PTPRD: variants seen among roughly 807,000 people sequenced by gnomAD.
The protein encoded by PTPRD is protein tyrosine phosphatase receptor type D.
PTPRD carries 34 observed loss-of-function variants against 214.5 expected under a neutral mutation model. The observed-to-expected ratio is 0.16, with a 90% CI of 0.12 to 0.21. The LOEUF (loss-of-function observed/expected upper bound fraction) is 0.21. Ranked by LOEUF, PTPRD falls within the 10% of genes least tolerant of loss-of-function variation. PTPRD has a pLI of 1.00. For synonymous variants in PTPRD, 1,128 were observed against 845.7 expected (o/e 1.33, Z -5.79); for missense variants, 2,545 against 2,398.7 (o/e 1.06, Z -1.27).
intron 2 of PTPRD, among the ~76,000 whole-genome samples, chr9:10,361,263 T>C (rs1356879624): frequency 6.6e-6 from 1 of 152,194 alleles, no homozygotes; most frequent in Non-Finnish European, 1.5e-5. Flanking sequence ...TCTGTTGTGG[T>C]ATCTCATGTC....
chr9:8,806,426 A>T (rs1360398876), intron 11 of PTPRD, among the ~76,000 whole-genome samples: 1 of 152,224 alleles, frequency 6.6e-6, no homozygotes, highest in Non-Finnish European at 1.5e-5. Context: ...ATTCATATGT[A>T]ATGAACAGAT....
At chr9:9,946,480 A>C (rs1282364059) in intron 4 of PTPRD, among the ~76,000 whole-genome samples, 1 of 152,174 alleles carries the variant, frequency 6.6e-6, no homozygotes, top group Non-Finnish European at 1.5e-5. Context: ...AAACTTACAG[A>C]AAGAGTGCAG....
At chr9:8,330,524 A>G in intron 44 of PTPRD, among the ~76,000 whole-genome samples, 1 of 151,922 alleles carries the variant, frequency 6.6e-6, no homozygotes, top group East Asian at 1.9e-4. Flanking sequence ...ATTTCCTACA[A>G]GCTCTTTGGT....
intron 7 of PTPRD, among the ~76,000 whole-genome samples, chr9:9,678,304 C>T (rs1162587780): frequency 6.6e-6 from 1 of 152,170 alleles, no homozygotes; most frequent in Non-Finnish European, 1.5e-5. Flanking sequence ...CATCATGCTA[C>T]CTGACTTCAA....
At chr9:10,357,607 T>C (rs2097302076) in intron 2 of PTPRD, among the ~76,000 whole-genome samples, 1 of 152,246 alleles carries the variant, frequency 6.6e-6, no homozygotes, top group African/African-American at 2.4e-5. Flanking sequence ...ATTAGCATTA[T>C]TATATCCTTT....
rs753821508 is a variant in PTPRD, at chr9:9,645,459, A to ATG, written c.-286-70679_-286-70678insCA. Reference sequence around the variant, plus strand: ...TTATCAGGTTTCCCTACATATATGTATATATATATATATATATATATTTTC... The same window carrying ATG: ...TTATCAGGTTTCCCTACATATATGTATGTATATATATATATATATATATTTTC... On this transcript the variant is annotated intron_variant, in intron 7 of 45. Coordinates refer to ENST00000381196, the MANE Select transcript of PTPRD (RefSeq NM_002839.4). Among the ~76,000 whole-genome samples, 9 of 71,674 alleles carry ATG rather than the reference A, an allele frequency of 1.3e-4. No individual in the cohort carries two copies. In the South Asian group the frequency reaches 2.7e-3, roughly 22 times the overall value. The allele number at this position is 71,674 out of a possible 152,430, so 47.0% of individuals were successfully genotyped here. A position where few individuals can be genotyped will look rare whatever the true frequency, so the allele number is the denominator to read the frequency against.
chr9:9,646,587 T>C (rs2096186395), intron 7 of PTPRD, among the ~76,000 whole-genome samples: 1 of 152,094 alleles, frequency 6.6e-6, no homozygotes, highest in Non-Finnish European at 1.5e-5. Context: ...TTTTCAAAGG[T>C]ATCAGCCAGC....
intron 10 of PTPRD, among the ~76,000 whole-genome samples, chr9:9,152,315 T>A (rs1189642358): frequency 1.3e-5 from 2 of 152,222 alleles, no homozygotes; most frequent in African/African-American, 2.4e-5. Context: ...CTGCTTATTT[T>A]CAGAATATAT....
At chr9:9,709,595 G>C (rs2097688759) in intron 7 of PTPRD, among the ~76,000 whole-genome samples, 2 of 151,906 alleles carry the variant, frequency 1.3e-5, no homozygotes, top group Admixed American at 6.6e-5. Flanking sequence ...TACAAACCTT[G>C]CATCTGCTTT....
chr9:10,366,037 T>C (rs1029121347), intron 2 of PTPRD, among the ~76,000 whole-genome samples: 4 of 152,176 alleles, frequency 2.6e-5, no homozygotes, highest in African/African-American at 9.7e-5. Flanking sequence ...GCCATTCATG[T>C]TGAGTTCAAC....
At chr9:9,360,255 GAA>G (rs5896322) in intron 9 of PTPRD, among the ~76,000 whole-genome samples, 41 of 144,210 alleles carry the variant, frequency 2.8e-4, no homozygotes, top group African/African-American at 7.2e-4. Flanking sequence ...TAATAGATGG[GAA>G]AAAAAAAAAG....
chr9:9,250,412 T>A (rs1262366761), intron 9 of PTPRD, among the ~76,000 whole-genome samples: 1 of 152,042 alleles, frequency 6.6e-6, no homozygotes, highest in East Asian at 1.9e-4. Context: ...AGGGTATAAG[T>A]CAGGCAGCTT....
intron 35 of PTPRD, among the ~76,000 whole-genome samples, chr9:8,433,045 C>T (rs7027702): frequency 0.093 from 14,224 of 152,250 alleles, 1,369 homozygotes; most frequent in African/African-American, 0.24. Context: ...CCAGTTATTG[C>T]ATTCAATAGA....
At chr9:9,965,137 G>T (rs994829505) in intron 4 of PTPRD, among the ~76,000 whole-genome samples, 1 of 152,064 alleles carries the variant, frequency 6.6e-6, no homozygotes, top group East Asian at 1.9e-4. Context: ...TTTTCATAAC[G>T]TGGATAGATT....
intron 3 of PTPRD, among the ~76,000 whole-genome samples, chr9:10,277,257 C>A (rs937982290): frequency 6.0e-5 from 9 of 149,134 alleles, no homozygotes; most frequent in Admixed American, 2.7e-4. Flanking sequence ...AAAAAAAAAA[C>A]AACAAACCCT....
intron 11 of PTPRD, among the ~76,000 whole-genome samples, chr9:8,804,728 C>T (rs933844037): frequency 9.3e-5 from 14 of 150,418 alleles, no homozygotes; most frequent in African/African-American, 2.9e-4. Flanking sequence ...CTTTCTAGTT[C>T]CACAGACCTT....
chr9:10,502,107 G>A (rs2043956524), intron 2 of PTPRD, among the ~76,000 whole-genome samples: 1 of 151,672 alleles, frequency 6.6e-6, no homozygotes, highest in Non-Finnish European at 1.5e-5. Context: ...CAAGAGAAAA[G>A]AAAACAAACA....
intron 11 of PTPRD, among the ~76,000 whole-genome samples, chr9:8,738,011 C>A (rs751908637): frequency 3.6e-4 from 55 of 152,190 alleles, no homozygotes; most frequent in Non-Finnish European, 7.2e-4. Context: ...ATCTAAAATA[C>A]AATTTCAAAA....
At chr9:8,707,605 C>T (rs996730128) in intron 12 of PTPRD, among the ~76,000 whole-genome samples, 46 of 152,166 alleles carry the variant, frequency 3.0e-4, no homozygotes, top group Non-Finnish European at 5.1e-4. Context: ...GGTGAGTAGT[C>T]TAAGTTCTAG....
Sources: gnomAD v4.1 joint callset for allele counts (sites outside exome capture counted in the v4.1 genomes callset) on GRCh38, gnomAD v4.1.1 for gene constraint, MANE v1.5 for transcripts, NCBI Gene and HGNC (gene_info 2026-07-23, HGNC 2026-07-21) for gene names.